The following SRRM1 variants were observed in gnomAD, a reference collection of about 807,000 sequenced individuals.
SRRM1 encodes serine/arginine repetitive matrix protein 1.
In SRRM1, 19 loss-of-function variants were observed where a neutral mutation model predicts 110.2. The ratio of observed to expected loss-of-function variants is 0.17; its 90% CI spans 0.12 to 0.25. The LOEUF (loss-of-function observed/expected upper bound fraction) is 0.25. Among genes scored for constraint, SRRM1 ranks in the 10% least tolerant of loss-of-function variants. SRRM1 has a pLI of 1.00. For missense variants in SRRM1, 918 were observed against 1,145.8 expected (o/e 0.80, Z 2.87); for synonymous variants, 443 against 414.9 (o/e 1.07, Z -0.82).
rs1673076517 is a variant in SRRM1 at position 24,672,080 on chromosome 1, C to T, written c.2611-102C>T. 4.7e-6 allele frequency: 4 copies of T among 853,938 alleles called. No individual in the cohort carries two copies. The East Asian group carries it at 8.3e-5, about 18-fold the overall frequency. The allele number at this position is 853,938 out of a possible 1,614,324, so 52.9% of individuals were successfully genotyped here. On this transcript the variant is annotated intron_variant, in intron 16 of 16. Coordinates refer to ENST00000323848, the MANE Select transcript of SRRM1 (RefSeq NM_005839.4). ...CTGCTCCCCCTACCCCACAACAGTC[C>T]CCGGTGTGTGATGTTCCCCTCCCAC...
chr1:24,666,900 A>G lies in SRRM1; in HGVS notation c.1714A>G (p.Thr572Ala). Residue 572 changes from threonine (T) to alanine (A), a missense_variant, in exon 13 of 17, where the codon ACT becomes GCT. Thr to Ala is a moderately conservative substitution (Grantham distance 58). Transcript: ENST00000323848. ...CGCCCCTCCTCCTCGACGGCGCAGG[A>G]CTCCCACACCACCACCACGACGAAG... The part of the protein sequence containing the change: ...SPAPPPRRRR[T>A]PTPPPRRRTP... 6.2e-7 allele frequency: 1 copy of G among 1,610,108 alleles called. No individual in the cohort carries two copies.
chr1:24,652,577 C>T lies in SRRM1; in HGVS notation c.869C>T (p.Ser290Phe). ...SRSKSRSRTR[S>F]RSPSHTRPRR... ...TCCAAATCAAGATCCCGGACGCGGTCCCGCTCTCCTTCTCACACTCGACCT... is the reference window on the plus strand; with the variant it reads ...TCCAAATCAAGATCCCGGACGCGGTTCCGCTCTCCTTCTCACACTCGACCT... The change falls in exon 7 of 17, where the codon TCC becomes TTC. Residue 290 changes from serine (S) to phenylalanine (F), a missense_variant. Ser to Phe is a radical substitution (Grantham distance 155, BLOSUM62 -2). Coordinates refer to ENST00000323848, the MANE Select transcript of SRRM1 (RefSeq NM_005839.4). 1 of 1,613,642 alleles carries T rather than the reference C, an allele frequency of 6.2e-7. No individual in the cohort carries two copies. The highest frequency in any genetic ancestry group is 8.5e-7 in the Non-Finnish European group (1 of 1,179,872).
chr1:24,649,870 T>C, intron 4 of SRRM1, 101 bp from the exon 5 acceptor site: 1 of 1,060,442 alleles, frequency 9.4e-7, no homozygotes, highest in South Asian at 2.0e-5. Context: ...AAGAGGCCGA[T>C]GAAATGATAA....
In SRRM1 at chr1:24,649,033, A is replaced by G. The variant is rs779336354; in HGVS notation, c.405+4A>G. 1.9e-6 allele frequency: 3 copies of G among 1,611,016 alleles called. No homozygotes were observed. The highest frequency in any genetic ancestry group is 2.2e-5 in the East Asian group (1 of 44,858). On this transcript the variant is annotated splice_donor_region_variant and intron_variant, in intron 4 of 16. Transcript: ENST00000323848. ...AGAAGAAATAAAACAAAGACAGGTA[A>G]TAACCTTTTCTTTTCTGTAATGTCG...
Position 24,653,044 on chromosome 1 carries a change from T to G in SRRM1, c.1040+12T>G. The G allele has an allele frequency of 6.2e-7, 1 of 1,607,746 alleles. No individual in the cohort carries two copies. The highest frequency in any genetic ancestry group is 1.1e-5 in the South Asian group (1 of 89,980). On this transcript the variant is annotated intron_variant, in intron 8 of 16. Transcript: ENST00000323848. The stretch of plus-strand genomic sequence containing the variant: ...TCTCCAGTAAGACGGTAAGATTTTT[T>G]AAATTTGGAAGTGTCAAGTGTTTGA...
chr1:24,658,811 G>A (rs1570910698), intron 9 of SRRM1, among the ~76,000 whole-genome samples: 1 of 152,274 alleles, frequency 6.6e-6, no homozygotes, highest in Middle Eastern at 3.4e-3. Flanking sequence ...TTTGCTATTT[G>A]CACTGTCATG....
intron 13 of SRRM1, among the ~76,000 whole-genome samples, chr1:24,667,727 A>T (rs956259711): frequency 1.3e-5 from 2 of 152,334 alleles, no homozygotes; most frequent in East Asian, 3.9e-4. Flanking sequence ...GAAAAGGGAC[A>T]TTCAGTAGTG....
At chr1:24,659,586 G>C (rs375761239) in intron 9 of SRRM1, among the ~76,000 whole-genome samples, 29 of 152,202 alleles carry the variant, frequency 1.9e-4, no homozygotes, top group East Asian at 1.3e-3. Context: ...ACTATAAGCA[G>C]AGTTAGTTGT....
intron 12 of SRRM1, 79 bp from the exon 13 acceptor site, chr1:24,666,736 G>A (rs967060859): frequency 2.5e-5 from 29 of 1,161,770 alleles, no homozygotes; most frequent in Non-Finnish European, 3.5e-5. Flanking sequence ...TTGCACTCCA[G>A]CCTGGGCGAC....
Position 24,660,753 on chromosome 1 carries a change from C to T in SRRM1, c.1350C>T (p.Ser450=). 1 of 1,589,404 alleles carries T rather than the reference C, an allele frequency of 6.3e-7. No homozygotes were observed. The highest frequency in any genetic ancestry group is 8.6e-7 in the Non-Finnish European group (1 of 1,169,454). Residue 450 remains serine (S), a synonymous_variant, in exon 10 of 17, where the codon TCC becomes TCT. Transcript: ENST00000323848. ...ATAAAGGTACTGAGAAAAGAGAATC[C>T]CCTTCACCAGCACCGAAGCCTAGAA... ...TKHKGTEKRE[S]PSPAPKPRKV...
At chr1:24,657,521 A>T (rs994126320) in intron 9 of SRRM1, among the ~76,000 whole-genome samples, 4 of 152,224 alleles carry the variant, frequency 2.6e-5, no homozygotes, top group Admixed American at 1.3e-4. Context: ...GAACAGTAAC[A>T]TCATTGAAAT....
rs572581000 is a variant in SRRM1 at position 24,672,049 on chromosome 1, C to T, written c.2611-133C>T. 11 of 622,820 alleles carry T rather than the reference C, an allele frequency of 1.8e-5. No homozygotes were observed. The East Asian group carries it at 2.7e-4, about 16-fold the overall frequency. 38.6% of individuals were successfully genotyped at this position (622,820 alleles called of 1,614,324 possible). On this transcript the variant is annotated intron_variant, in intron 16 of 16. Coordinates refer to ENST00000323848, the MANE Select transcript of SRRM1 (RefSeq NM_005839.4). ...ACTCGTCGTTTAGCATTAGGTATAT[C>T]CCTCCCTGCTCCCCCTACCCCACAA...
chr1:24,658,208 A>ATTTT (rs573100578), intron 9 of SRRM1, among the ~76,000 whole-genome samples: 1,398 of 137,482 alleles, frequency 0.01, 47 homozygotes, highest in African/African-American at 0.036. Flanking sequence ...GATGGTATAA[A>ATTTT]TTTTTTTTTT....
intron 6 of SRRM1, 75 bp from the exon 7 acceptor site, chr1:24,652,359 T>G: frequency 9.4e-7 from 1 of 1,061,682 alleles, no homozygotes; most frequent in Non-Finnish European, 1.3e-6. Context: ...AATACTTTAT[T>G]ACATCATTGT....
At chr1:24,643,378 G>T (rs1654843985) in intron 1 of SRRM1, 31 bp downstream of exon 1, 1 of 1,537,630 alleles carries the variant, frequency 6.5e-7, no homozygotes, top group Non-Finnish European at 8.7e-7. Context: ...CCGGGGTGAG[G>T]CCAGGGACTT....
rs1398531376 is a variant in SRRM1 at position 24,652,769 on chromosome 1, C to T, written c.920+141C>T. 4 of 1,311,762 alleles carry T rather than the reference C, an allele frequency of 3.0e-6. No homozygotes were observed. The African/African-American group carries it at 4.5e-5, about 15-fold the overall frequency. 81.3% of individuals were successfully genotyped at this position (1,311,762 alleles called of 1,614,324 possible). ...AATGTACACAGAGAATTTGAGGACA[C>T]TTTTCTGTGTACCATAAAAATCTAC... On this transcript the variant is annotated intron_variant, in intron 7 of 16. Coordinates refer to ENST00000323848, the MANE Select transcript of SRRM1 (RefSeq NM_005839.4).
intron 3 of SRRM1, chr1:24,647,952 T>A (rs1317153732): frequency 1.3e-5 from 2 of 152,244 alleles, no homozygotes; most frequent in African/African-American, 4.8e-5. Flanking sequence ...GATTAAAGTT[T>A]AGAACTTTTT....
intron 9 of SRRM1, among the ~76,000 whole-genome samples, chr1:24,656,948 C>A (rs1013691963): frequency 6.6e-6 from 1 of 152,190 alleles, no homozygotes; most frequent in Non-Finnish European, 1.5e-5. Context: ...ATAAGTATTT[C>A]TGTGGGTTTT....
intron 1 of SRRM1, among the ~76,000 whole-genome samples, chr1:24,645,602 G>T (rs1657001943): frequency 6.6e-6 from 1 of 152,080 alleles, no homozygotes; most frequent in African/African-American, 2.4e-5. Flanking sequence ...CATGCAACTG[G>T]CTTTCAAAAA....
Sources: allele counts gnomAD v4.1 joint callset (sites outside exome capture counted in the v4.1 genomes callset), GRCh38; gene constraint gnomAD v4.1.1; transcripts MANE v1.5; gene names NCBI Gene and HGNC (gene_info 2026-07-23, HGNC 2026-07-21).